The following MTUS1 variants were observed in gnomAD, a reference collection of about 807,000 sequenced individuals.
MTUS1 encodes the protein microtubule associated scaffold protein 1.
MTUS1 carries 109 observed loss-of-function variants against 120.8 expected under a neutral mutation model. The observed-to-expected ratio is 0.90, with a 90% CI of 0.77 to 1.06. The LOEUF (loss-of-function observed/expected upper bound fraction) is 1.06, where lower values mean the gene tolerates loss of function less well. Among genes scored for constraint, MTUS1 ranks in the 50% least tolerant of loss-of-function variants. MTUS1 has a pLI of 0.00. For missense variants in MTUS1, 2,210 were observed against 1,486.3 expected, an observed-to-expected ratio of 1.49 and a Z score of -8.01; for synonymous variants, 737 against 550.5, an observed-to-expected ratio of 1.34 and a Z score of -4.74.
At chr8:17,768,649 T>G (rs1185017648) in intron 1 of MTUS1, among the ~76,000 whole-genome samples, 2 of 152,098 alleles carry the variant, frequency 1.3e-5, no homozygotes, top group African/African-American at 4.8e-5. Context: ...TTGCAGCAAT[T>G]AGAACATTTT....
chr8:17,801,121 T>G (rs1409523699), upstream of MTUS1, among the ~76,000 whole-genome samples: 7 of 151,362 alleles, frequency 4.6e-5, no homozygotes, highest in African/African-American at 1.7e-4. Context: ...CTGGCGCCCT[T>G]TGCACCACTG....
chr8:17,792,412 T>C (rs967192249), intron 1 of MTUS1, among the ~76,000 whole-genome samples: 5 of 152,226 alleles, frequency 3.3e-5, no homozygotes, highest in African/African-American at 9.6e-5. Flanking sequence ...TCCAACAAAA[T>C]AGTCTTATCT....
intron 1 of MTUS1, among the ~76,000 whole-genome samples, chr8:17,799,466 T>C (rs2052508565): frequency 6.6e-6 from 1 of 152,156 alleles, no homozygotes; most frequent in Non-Finnish European, 1.5e-5. Context: ...TGTGATTATC[T>C]TTGCTGAAAT....
intron 1 of MTUS1, among the ~76,000 whole-genome samples, chr8:17,757,553 G>A (rs1179046676): frequency 2.0e-5 from 3 of 152,140 alleles, no homozygotes; most frequent in Non-Finnish European, 4.4e-5. Flanking sequence ...TTGAGATGGA[G>A]TCTTGCTCTG....
At chr8:17,725,458 T>C (rs2046164093) in intron 3 of MTUS1, among the ~76,000 whole-genome samples, 1 of 152,214 alleles carries the variant, frequency 6.6e-6, no homozygotes, top group Admixed American at 6.5e-5. Flanking sequence ...TCGCTTTCTC[T>C]CTGACACCAG....
At chr8:17,683,899 G>C (rs1473572426) in intron 7 of MTUS1, among the ~76,000 whole-genome samples, 1 of 152,124 alleles carries the variant, frequency 6.6e-6, no homozygotes, top group Non-Finnish European at 1.5e-5. Flanking sequence ...CCCCAGATAT[G>C]ATTCAGGGAG....
chr8:17,769,460 G>A (rs1189976198), intron 1 of MTUS1, among the ~76,000 whole-genome samples: 1 of 149,392 alleles, frequency 6.7e-6, no homozygotes, highest in Non-Finnish European at 1.5e-5. Context: ...CCATTCTCCT[G>A]CCTCAGCCTC....
rs370494956 is a variant in MTUS1, at chr8:17,755,716, G to A, written c.92C>T (p.Pro31Leu). The change falls in exon 2 of 15, where the codon CCG becomes CTG. Residue 31 changes from proline to leucine, a missense_variant. Pro to Leu is a moderately conservative substitution (Grantham distance 98). Coordinates refer to ENST00000693296, the MANE Select transcript of MTUS1 (RefSeq NM_001363059.2). ...DKDGNTHAYN[P>L]KSPPTQNSSA... The stretch of plus-strand genomic sequence containing the variant: ...AGAGTTTTGTGTAGGTGGTGATTTC[G>A]GGTTGTATGCATGTGTATTTCCATC... 7.7e-5 allele frequency: 125 copies of A among 1,613,986 alleles called. No individual in the cohort carries two copies. Among genetic ancestry groups the A allele is most frequent in the East Asian group, 1.3e-4 (6 of 44,898 alleles).
At chr8:17,788,069 C>T (rs977903068) in intron 1 of MTUS1, among the ~76,000 whole-genome samples, 4 of 152,046 alleles carry the variant, frequency 2.6e-5, no homozygotes, top group African/African-American at 7.2e-5. Context: ...TGCAGTGAGC[C>T]GAGATCGTGC....
At chr8:17,734,175 A>G (rs1243546262) in intron 3 of MTUS1, 1 of 152,156 alleles carries the variant, frequency 6.6e-6, no homozygotes, top group Non-Finnish European at 1.5e-5. Context: ...TCATCCCACA[A>G]TCCCTCAGTG....
intron 3 of MTUS1, among the ~76,000 whole-genome samples, chr8:17,741,463 T>TTTTAACTAATTTTAACTAA (rs1456125046): frequency 1.3e-5 from 2 of 152,184 alleles, no homozygotes; most frequent in African/African-American, 4.8e-5. Context: ...CGTAATTAGT[T>TTTTAACTAATTTTAACTAA]TTTAACTCAG....
At chr8:17,733,411 G>A (rs1027193742) in intron 3 of MTUS1, among the ~76,000 whole-genome samples, 4 of 151,662 alleles carry the variant, frequency 2.6e-5, no homozygotes, top group Admixed American at 6.6e-5. Flanking sequence ...AAACATATGT[G>A]CATGAGAATA....
intron 6 of MTUS1, among the ~76,000 whole-genome samples, chr8:17,710,279 C>CA (rs1205135812): frequency 6.6e-6 from 1 of 152,204 alleles, no homozygotes; most frequent in East Asian, 1.9e-4. Flanking sequence ...ATTTTACCCA[C>CA]AGCAGAGAGT....
In MTUS1 at chr8:17,703,743, C is replaced by G. The variant is rs185455084; in HGVS notation, c.2623+9471G>C. ...AACCCTGGTAAATTTGAGGTCAGAC[C>G]GGTTCTCTGCTCTCAAATCCTGTTT... On this transcript the variant is annotated intron_variant, in intron 6 of 14. Coordinates refer to ENST00000693296, the MANE Select transcript of MTUS1 (RefSeq NM_001363059.2). 2.5e-4 allele frequency among the ~76,000 whole-genome samples: 38 copies of G among 152,102 alleles called. No individual in the cohort carries two copies. In the East Asian group the frequency reaches 4.1e-3, roughly 16 times the overall value.
chr8:17,718,357 A>T (rs1470568608), intron 4 of MTUS1, among the ~76,000 whole-genome samples: 1 of 152,214 alleles, frequency 6.6e-6, no homozygotes, highest in African/African-American at 2.4e-5. Flanking sequence ...ATGGAACAGG[A>T]TGTAAAATAT....
intron 8 of MTUS1, among the ~76,000 whole-genome samples, chr8:17,669,643 C>T (rs1585550889): frequency 1.3e-5 from 2 of 151,968 alleles, no homozygotes; most frequent in South Asian, 2.1e-4. Context: ...GTCAGGAGTT[C>T]GAGACCAGCC....
At chr8:17,651,128 C>A (rs900557520) in intron 12 of MTUS1, among the ~76,000 whole-genome samples, 2 of 151,160 alleles carry the variant, frequency 1.3e-5, no homozygotes, top group Non-Finnish European at 3.0e-5. Flanking sequence ...GGGACTAATA[C>A]ATCTTTAATT....
chr8:17,708,297 A>G (rs1189390331), intron 6 of MTUS1, among the ~76,000 whole-genome samples: 9 of 152,276 alleles, frequency 5.9e-5, no homozygotes, highest in Non-Finnish European at 1.2e-4. Context: ...AATGATTTGA[A>G]TAGACACTTC....
chr8:17,688,284 T>G (rs1270660079), intron 6 of MTUS1, among the ~76,000 whole-genome samples: 1 of 152,190 alleles, frequency 6.6e-6, no homozygotes, highest in Non-Finnish European at 1.5e-5. Context: ...CCCTGGTGCT[T>G]TGCGGGGACA....
Sources: allele counts gnomAD v4.1 joint callset (sites outside exome capture counted in the v4.1 genomes callset), GRCh38; gene constraint gnomAD v4.1.1; transcripts MANE v1.5; gene names NCBI Gene and HGNC (gene_info 2026-07-23, HGNC 2026-07-21).